DMD: variants seen among roughly 807,000 people sequenced by gnomAD.
DMD encodes the protein mutant dystrophin.
A neutral mutation model predicts 330.1 loss-of-function variants in DMD; 63 were observed. The ratio of observed to expected loss-of-function variants is 0.19; its 90% CI spans 0.16 to 0.24. The LOEUF (loss-of-function observed/expected upper bound fraction) is 0.24. Ranked by LOEUF, DMD falls within the 10% of genes least tolerant of loss-of-function variation. DMD has a pLI of 1.00. For synonymous variants in DMD, 1,223 were observed against 959.8 expected, an observed-to-expected ratio of 1.27 and a Z score of -5.07; for missense variants, 3,344 against 2,684.1, an observed-to-expected ratio of 1.25 and a Z score of -5.43.
At position 32,679,693 on chromosome X, in the gene DMD, C is replaced by A. The variant is rs2062231400; in HGVS notation, c.960+18177G>T. Among the ~76,000 whole-genome samples, 7 of 109,488 alleles carry A rather than the reference C, an allele frequency of 6.4e-5. No individual in the cohort carries two copies. The Admixed American group carries it at 6.9e-4, about 11-fold the overall frequency. On this transcript the variant is annotated intron_variant, in intron 9 of 78. Transcript: ENST00000357033. ...GAAAATGGAAATACTATTTTGTTTACTGGGGGGTAGATTTAGGTAAATAAT... is the reference window on the plus strand; with the variant it reads ...GAAAATGGAAATACTATTTTGTTTAATGGGGGGTAGATTTAGGTAAATAAT...
intron 1 of DMD, among the ~76,000 whole-genome samples, chrX:33,251,552 C>T (rs2052771874): frequency 1.8e-5 from 2 of 112,266 alleles, no homozygotes; most frequent in African/African-American, 6.5e-5. Flanking sequence ...CTCTGCACTC[C>T]TTGCTACATG....
intron 52 of DMD, among the ~76,000 whole-genome samples, chrX:31,696,050 C>T (rs1199601257): frequency 9.0e-6 from 1 of 110,679 alleles, no homozygotes; most frequent in Non-Finnish European, 1.9e-5. Context: ...ATATAGTTGT[C>T]GACTAAAAAC....
At chrX:32,237,436 T>C (rs953248381) in intron 43 of DMD, among the ~76,000 whole-genome samples, 14 of 111,207 alleles carry the variant, frequency 1.3e-4, no homozygotes, top group African/African-American at 4.3e-4. Flanking sequence ...ACAACTGTTA[T>C]ACAGCTGTTG....
intron 44 of DMD, among the ~76,000 whole-genome samples, chrX:32,077,637 T>G (rs745510434): frequency 1.9e-4 from 21 of 111,345 alleles, no homozygotes; most frequent in Non-Finnish European, 3.8e-4. Context: ...CCCTTCACAG[T>G]AAAACTTCTT....
chrX:32,953,299 T>C (rs998191818), intron 2 of DMD, among the ~76,000 whole-genome samples: 1 of 111,192 alleles, frequency 9.0e-6, no homozygotes, highest in African/African-American at 3.3e-5. Context: ...GGAAGAGATA[T>C]ACAAGATGGG....
chrX:31,245,352 C>T (rs775444363), intron 63 of DMD, among the ~76,000 whole-genome samples: 13 of 111,573 alleles, frequency 1.2e-4, no homozygotes, highest in Non-Finnish European at 1.9e-4. Flanking sequence ...GTTTTCCTCC[C>T]GAGCAAAATC....
chrX:31,284,584 CTTCTTCTTCTTCTTCTTCTTCTTT>C (rs2052968630), intron 62 of DMD, among the ~76,000 whole-genome samples: 1 of 96,589 alleles, frequency 1.0e-5, no homozygotes, highest in African/African-American at 4.1e-5. Flanking sequence ...TCTTCTTCTT[CTTCTTCTTCTTCTTCTTCTTCTTT>C]TTTTTGGCAG....
At chrX:32,937,520 T>C (rs1459426100) in intron 2 of DMD, among the ~76,000 whole-genome samples, 1 of 103,872 alleles carries the variant, frequency 9.6e-6, no homozygotes, top group East Asian at 3.0e-4. Context: ...GTATGTTGAG[T>C]TGGTTTGCTC....
At chrX:33,225,371 T>C (rs1420364329) in intron 1 of DMD, among the ~76,000 whole-genome samples, 1 of 111,459 alleles carries the variant, frequency 9.0e-6, no homozygotes, top group Non-Finnish European at 1.9e-5. Flanking sequence ...GACACGCAGA[T>C]TAATGGAACA....
At chrX:33,031,952 T>C (rs769439170) in intron 1 of DMD, among the ~76,000 whole-genome samples, 47 of 112,255 alleles carry the variant, frequency 4.2e-4, no homozygotes, top group Admixed American at 3.2e-3. Context: ...ACAAAGTAAG[T>C]GCCAATAGAG....
intron 2 of DMD, among the ~76,000 whole-genome samples, chrX:32,881,074 A>AT (rs1387672158): frequency 8.8e-6 from 1 of 113,088 alleles, no homozygotes; most frequent in African/African-American, 3.2e-5. Flanking sequence ...GGTATGAAGC[A>AT]GAAACCACGA....
At chrX:32,980,492 G>A (rs768030014) in intron 2 of DMD, among the ~76,000 whole-genome samples, 1 of 108,248 alleles carries the variant, frequency 9.2e-6, no homozygotes, top group African/African-American at 3.4e-5. Flanking sequence ...TTAGAACTCC[G>A]ACACAATGTC....
intron 1 of DMD, among the ~76,000 whole-genome samples, chrX:33,170,675 A>G (rs778396064): frequency 1.8e-5 from 2 of 112,045 alleles, no homozygotes; most frequent in East Asian, 5.6e-4. Flanking sequence ...CTAAGTCTTC[A>G]AAGTCCAGTG....
At position 31,120,600 on chromosome X, in the gene DMD, G is replaced by T. The variant is rs1309711317; in HGVS notation, c.*1319C>A. 1 of 112,117 alleles carries T rather than the reference G, an allele frequency of 8.9e-6. No individual in the cohort carries two copies. The highest frequency in any genetic ancestry group is 3.2e-5 in the African/African-American group (1 of 30,917). 9.2% of individuals were successfully genotyped at this position (112,117 alleles called of 1,213,427 possible). On this transcript the variant is annotated 3_prime_UTR_variant, in exon 79 of 79. Transcript: ENST00000357033. ...ACCACCCAGTTCCTTTTGACTGTGA[G>T]AAGAGGGCATAATAATTTAGTTGTA...
At position 31,914,950 on chromosome X, in the gene DMD, T is replaced by C. The variant is rs2094590789; in HGVS notation, c.6912+14646A>G. 2.7e-5 allele frequency among the ~76,000 whole-genome samples: 3 copies of C among 112,665 alleles called. No individual in the cohort carries two copies. The Admixed American group carries it at 2.8e-4, about 11-fold the overall frequency. On this transcript the variant is annotated intron_variant, in intron 47 of 78. Transcript: ENST00000357033. Reference sequence around the variant, plus strand: ...GGGGTGGATCCCCCGTTCTCCATGATGTGATTATTATGCATTGCATGCTTG... The same window carrying C: ...GGGGTGGATCCCCCGTTCTCCATGACGTGATTATTATGCATTGCATGCTTG...
In DMD at chrX:32,479,114, C is replaced by T. The variant is rs138400400; in HGVS notation, c.2803+5805G>A. Among the ~76,000 whole-genome samples the T allele has an allele frequency of 4.1e-3, 460 of 111,048 alleles. 2 individuals are homozygous for T. The highest frequency in any genetic ancestry group is 0.014 in the African/African-American group (433 of 30,530). ...TCTAAAAGCAGCTCTATCCACTTAGCAATCCTATTTTCAAAATATCATGTT... is the reference window on the plus strand; with the variant it reads ...TCTAAAAGCAGCTCTATCCACTTAGTAATCCTATTTTCAAAATATCATGTT... On this transcript the variant is annotated intron_variant, in intron 21 of 78. Transcript: ENST00000357033.
At chrX:32,403,970 T>C (rs1002725334) in intron 30 of DMD, among the ~76,000 whole-genome samples, 1 of 112,007 alleles carries the variant, frequency 8.9e-6, no homozygotes. Flanking sequence ...CAATCAAATA[T>C]GCCTATTTAC....
rs2068042264 is a variant in DMD, at chrX:31,479,102, G to T, written c.8549C>A (p.Ala2850Asp). ...AVQKQNDVHR[A>D]FKRELKTKEP... ...TTTAGTTTTCAATTCCCTCTTGAAG[G>T]CCTGTGAAATGAGATGAAAAGAAGT... The change falls in exon 58 of 79, where the codon GCC becomes GAC. Residue 2850 changes from alanine (A) to aspartate (D), a missense_variant and splice_region_variant. Ala to Asp is a moderately radical substitution (Grantham distance 126, BLOSUM62 -2). Transcript: ENST00000357033. 2 of 1,210,428 alleles carry T rather than the reference G, an allele frequency of 1.7e-6. No individual in the cohort carries two copies. The highest frequency in any genetic ancestry group is 2.2e-6 in the Non-Finnish European group (2 of 894,579).
At chrX:31,386,022 T>C (rs1291644567) in intron 60 of DMD, among the ~76,000 whole-genome samples, 1 of 112,313 alleles carries the variant, frequency 8.9e-6, no homozygotes, top group East Asian at 2.8e-4. Flanking sequence ...GTGGCACATA[T>C]ACACCATGGA....
Sources: gnomAD v4.1 joint callset for allele counts (sites outside exome capture counted in the v4.1 genomes callset) on GRCh38, gnomAD v4.1.1 for gene constraint, MANE v1.5 for transcripts, NCBI Gene and HGNC (gene_info 2026-07-23, HGNC 2026-07-21) for gene names.